DIAPH3: variants seen among roughly 807,000 people sequenced by gnomAD.
DIAPH3 encodes diaphanous related formin 3.
A neutral mutation model predicts 144.3 loss-of-function variants in DIAPH3; 117 were observed. The observed-to-expected ratio is 0.81, with a 90% CI of 0.70 to 0.95. The LOEUF (loss-of-function observed/expected upper bound fraction) is 0.95. Among genes scored for constraint, DIAPH3 ranks in the 40% least tolerant of loss-of-function variants. The pLI, the probability that DIAPH3 is intolerant of heterozygous loss-of-function variation, is 0.00. For synonymous variants in DIAPH3, 519 were observed against 488.9 expected (o/e 1.06, Z -0.81); for missense variants, 1,421 against 1,412.7 (o/e 1.01, Z -0.09).
intron 1 of DIAPH3, among the ~76,000 whole-genome samples, chr13:60,158,308 G>C (rs919640327): frequency 6.6e-6 from 1 of 152,154 alleles, no homozygotes; most frequent in Non-Finnish European, 1.5e-5. Flanking sequence ...GAATTCCCCA[G>C]CAGATTTCTC....
chr13:60,029,819 G>A (rs2054654469), intron 5 of DIAPH3, among the ~76,000 whole-genome samples: 1 of 152,114 alleles, frequency 6.6e-6, no homozygotes, highest in Non-Finnish European at 1.5e-5. Context: ...AGTTAAGCCA[G>A]AATAGCTCAT....
At chr13:59,935,556 A>G (rs1258309727) in intron 17 of DIAPH3, among the ~76,000 whole-genome samples, 1 of 152,200 alleles carries the variant, frequency 6.6e-6, no homozygotes, top group African/African-American at 2.4e-5. Context: ...AATACATAGG[A>G]AAAAAAGTCA....
intron 5 of DIAPH3, among the ~76,000 whole-genome samples, chr13:60,040,373 T>C (rs558839733): frequency 6.6e-6 from 1 of 152,074 alleles, no homozygotes; most frequent in African/African-American, 2.4e-5. Flanking sequence ...GGATTCCTAA[T>C]AACATATTCT....
chr13:59,902,628 T>A (rs2046504767), intron 20 of DIAPH3, among the ~76,000 whole-genome samples: 1 of 151,966 alleles, frequency 6.6e-6, no homozygotes, highest in African/African-American at 2.4e-5. Flanking sequence ...TCAATAAATT[T>A]AGCCAAGCAT....
chr13:59,681,506 A>T (rs985752945), intron 27 of DIAPH3, among the ~76,000 whole-genome samples: 3 of 152,122 alleles, frequency 2.0e-5, no homozygotes, highest in Non-Finnish European at 1.5e-5. Flanking sequence ...AAAATTTTCA[A>T]CTATAACACA....
In DIAPH3 at chr13:59,846,270, G is replaced by C. The variant is rs571349872; in HGVS notation, c.2738-6822C>G. Among the ~76,000 whole-genome samples, 5 of 151,576 alleles carry C rather than the reference G, an allele frequency of 3.3e-5. No homozygotes were observed. The South Asian group carries it at 1.0e-3, about 32-fold the overall frequency. On this transcript the variant is annotated intron_variant, in intron 22 of 27. Transcript: ENST00000400324. ...AAAAATCCTCTATGAATATCTCCTG[G>C]AGGTGTTGGTCATTATTTCATAATA...
Position 59,762,052 on chromosome 13 carries a change from CTT to C in DIAPH3, c.3319+12135_3319+12136del, listed in dbSNP as rs35387511. On this transcript the variant is annotated intron_variant, in intron 27 of 27. Transcript: ENST00000400324. ...GCACCCAAGATGAAAGCGTCAGCAT[CTT>C]TTTTTTTTTTTTTTTTTTTTTTTTT... 6.6e-3 allele frequency among the ~76,000 whole-genome samples: 391 copies of C among 59,488 alleles called. 6 individuals are homozygous for C. The highest frequency in any genetic ancestry group is 0.021 in the African/African-American group (294 of 14,232). 39.0% of individuals were successfully genotyped at this position (59,488 alleles called of 152,430 possible).
In DIAPH3 at chr13:59,839,434, G is replaced by T. The variant is rs770833778; in HGVS notation, c.2752C>A (p.Leu918Met). ...CCCATCTGCCTCAAATTCTTTTCCA[G>T]CGTTTCTACAGAGACTAAAAGAGAG... ...DKASKVSVET[L>M]EKNLRQMGRQ... The change falls in exon 23 of 28, where the codon CTG becomes ATG. Residue 918 changes from leucine (L) to methionine (M), a missense_variant. Physicochemically the swap from Leu to Met is conservative, Grantham distance 15. Coordinates refer to ENST00000400324, the MANE Select transcript of DIAPH3 (RefSeq NM_001042517.2). The T allele has an allele frequency of 5.6e-6, 9 of 1,613,242 alleles. No homozygotes were observed. In the South Asian group the frequency reaches 7.7e-5, roughly 14 times the overall value.
chr13:59,768,116 T>TA (rs1244106130), intron 27 of DIAPH3, among the ~76,000 whole-genome samples: 2 of 152,064 alleles, frequency 1.3e-5, no homozygotes, highest in African/African-American at 2.4e-5. Context: ...ATTCCTAGCC[T>TA]AAAAAAATCT....
chr13:60,021,939 C>G (rs1252577854), intron 5 of DIAPH3, among the ~76,000 whole-genome samples: 4 of 152,014 alleles, frequency 2.6e-5, no homozygotes, highest in Non-Finnish European at 5.9e-5. Flanking sequence ...TCTTTAACTC[C>G]TTTCATCGTT....
intron 21 of DIAPH3, among the ~76,000 whole-genome samples, chr13:59,870,417 A>G (rs2044187664): frequency 6.6e-6 from 1 of 151,926 alleles, no homozygotes; most frequent in South Asian, 2.1e-4. Context: ...TCAGATTTCC[A>G]ACTTAGTTCT....
At chr13:59,760,630 G>C (rs572107408) in intron 27 of DIAPH3, among the ~76,000 whole-genome samples, 1 of 152,288 alleles carries the variant, frequency 6.6e-6, no homozygotes, top group South Asian at 2.1e-4. Flanking sequence ...TTGTTCTGCT[G>C]CATACATGCT....
intron 3 of DIAPH3, among the ~76,000 whole-genome samples, chr13:60,095,508 T>A (rs1453962367): frequency 6.6e-6 from 1 of 152,162 alleles, no homozygotes; most frequent in Non-Finnish European, 1.5e-5. Flanking sequence ...GCCATTGCCA[T>A]GGCATTTGTA....
intron 8 of DIAPH3, among the ~76,000 whole-genome samples, chr13:60,009,606 C>T (rs139551306): frequency 5.9e-5 from 9 of 152,300 alleles, no homozygotes; most frequent in South Asian, 2.1e-4. Flanking sequence ...TGGCTTTGCA[C>T]GCTTGGGACT....
At chr13:60,019,609 T>TA (rs5803982) in intron 5 of DIAPH3, among the ~76,000 whole-genome samples, 6,235 of 144,232 alleles carry the variant, frequency 0.043, 160 homozygotes, top group East Asian at 0.082. Context: ...TAATAAAAAT[T>TA]AAAAAAAAAA....
intron 2 of DIAPH3, among the ~76,000 whole-genome samples, chr13:60,118,097 A>C (rs2058744232): frequency 6.6e-6 from 1 of 152,174 alleles, no homozygotes; most frequent in South Asian, 2.1e-4. Flanking sequence ...GGGGTACACT[A>C]AGTTTTATAA....
chr13:60,079,076 T>C (rs1337109465), intron 4 of DIAPH3, among the ~76,000 whole-genome samples: 1 of 151,986 alleles, frequency 6.6e-6, no homozygotes, highest in African/African-American at 2.4e-5. Flanking sequence ...TTTGATTCAG[T>C]TTGAATTCAG....
intron 21 of DIAPH3, 66 bp downstream of exon 21, chr13:59,879,163 C>T (rs887671755): frequency 1.3e-5 from 21 of 1,599,662 alleles, no homozygotes; most frequent in South Asian, 3.4e-5. Context: ...TTAAATAATG[C>T]AATCAGGGCT....
Position 59,861,422 on chromosome 13 carries a change from C to T in DIAPH3, c.2722G>A (p.Asp908Asn), listed in dbSNP as rs920921346. The T allele has an allele frequency of 4.3e-6, 7 of 1,613,768 alleles. No homozygotes were observed. The highest frequency in any genetic ancestry group is 5.9e-6 in the Non-Finnish European group (7 of 1,179,874). The stretch of plus-strand genomic sequence containing the variant: ...AGGCACAAACCTTTACTAGCTTTGT[C>T]TAAAGGTTCCAAATCATCCACAAAA... ...LNFVDDLEPL[D>N]KASKVSVETL... Residue 908 changes from aspartate (D) to asparagine (N), a missense_variant, in exon 22 of 28, where the codon GAC (aspartate) becomes AAC (asparagine). Transcript: ENST00000400324.
Sources: allele counts gnomAD v4.1 joint callset (sites outside exome capture counted in the v4.1 genomes callset), GRCh38; gene constraint gnomAD v4.1.1; transcripts MANE v1.5; gene names NCBI Gene and HGNC (gene_info 2026-07-23, HGNC 2026-07-21).